Variants in PEAR1 observed in about 807,000 individuals in gnomAD.
The protein encoded by PEAR1 is platelet endothelial aggregation receptor 1.
A neutral mutation model predicts 131.2 loss-of-function variants in PEAR1; 113 were observed. The observed-to-expected ratio is 0.86, with a 90% CI of 0.74 to 1.01. PEAR1 has a LOEUF of 1.01. Ranked by LOEUF, PEAR1 falls within the 50% of genes least tolerant of loss-of-function variation. The probability of loss-of-function intolerance (pLI) is 0.00; values close to 1 mark genes in which losing one functional copy is unlikely to be tolerated. For synonymous variants in PEAR1, 565 were observed against 523.3 expected, an observed-to-expected ratio of 1.08 and a Z score of -1.09; for missense variants, 1,408 against 1,391.1, an observed-to-expected ratio of 1.01 and a Z score of -0.19.
In PEAR1 at chr1:156,908,965, G is replaced by C; in HGVS notation, c.1340G>C (p.Cys447Ser). The C allele has an allele frequency of 6.2e-7, 1 of 1,614,026 alleles. No individual in the cohort carries two copies. Among genetic ancestry groups the C allele is most frequent in the East Asian group, 2.2e-5 (1 of 44,876 alleles). Reference sequence around the variant, plus strand: ...CCTCCTGACACCTACGGTGTCAACTGTTCTGCACGCTGCTCATGTGAAAAT... The same window carrying C: ...CCTCCTGACACCTACGGTGTCAACTCTTCTGCACGCTGCTCATGTGAAAAT... Reference protein sequence around the residue: ...LCPPDTYGVNCSARCSCENAI... With the variant: ...LCPPDTYGVNSSARCSCENAI... Residue 447 changes from cysteine (C) to serine (S), a missense_variant, in exon 11 of 23, where the codon TGT (cysteine) becomes TCT (serine). Physicochemically the swap from Cys to Ser is moderately radical, Grantham distance 112. Coordinates refer to ENST00000292357, the MANE Select transcript of PEAR1 (RefSeq NM_001080471.3). This position sits in a 1 kb window ranked among gnomAD's most constrained non-coding sequence, Gnocchi z 4.2.
At position 156,906,306 on chromosome 1, in the gene PEAR1, G is replaced by A. The variant is rs769055450; in HGVS notation, c.338G>A (p.Arg113His). ...TGTGCCCAGGAGTGTGTCCATGGCC[G>A]TTGTGTGGCACCCAATCAGTGCCAA... ...PLCAQECVHGRCVAPNQCQCV... is the reference protein window; with the variant it reads ...PLCAQECVHGHCVAPNQCQCV... The change falls in exon 5 of 23, where the codon CGT becomes CAT. Residue 113 changes from arginine to histidine, a missense_variant. Physicochemically the swap from Arg to His is conservative, Grantham distance 29. Transcript: ENST00000292357. 1.1e-5 allele frequency: 18 copies of A among 1,614,074 alleles called. No individual in the cohort carries two copies. Among genetic ancestry groups the A allele is most frequent in the Middle Eastern group, 1.6e-4 (1 of 6,084 alleles).
Position 156,908,167 on chromosome 1 carries a change from CTG to C in PEAR1, c.945_946del (p.Ala316Ter). ...GCCCGGTGGGCCGCTTTGGGCAGGA[CTG>C]TGCTGAGACGTGCGACTGCGCCCCG... ...ECPVGRFGQD[C>X]AETCDCAPDA... On this transcript the variant is annotated frameshift_variant, in exon 9 of 23. Coordinates refer to ENST00000292357, the MANE Select transcript of PEAR1 (RefSeq NM_001080471.3). LOFTEE classifies it high-confidence loss of function. This position sits in a 1 kb window ranked among gnomAD's most constrained non-coding sequence, Gnocchi z 4.2. 4 of 1,604,074 alleles carry C rather than the reference CTG, an allele frequency of 2.5e-6. No homozygotes were observed. The highest frequency in any genetic ancestry group is 3.4e-6 in the Non-Finnish European group (4 of 1,178,768).
At chr1:156,909,959 G>A (rs753807979) in intron 12 of PEAR1, 45 bp downstream of exon 12, 1 of 1,612,182 alleles carries the variant, frequency 6.2e-7, no homozygotes, top group Non-Finnish European at 8.5e-7. Flanking sequence ...GGAGGGCATG[G>A]CGTCCCCCAG....
chr1:156,913,897 G>A lies in PEAR1; in HGVS notation c.2759G>A (p.Ser920Asn). Residue 920 changes from serine to asparagine, a missense_variant, in exon 22 of 23, where the codon AGC (serine) becomes AAC (asparagine). Physicochemically the swap from Ser to Asn is conservative, Grantham distance 46 (BLOSUM62 1). Coordinates refer to ENST00000292357, the MANE Select transcript of PEAR1 (RefSeq NM_001080471.3). ...CTCGGGGCCAGTGTGGCTTCCCTGAGCAGTGAGAACCCATATGCCACCATC... is the reference window on the plus strand; with the variant it reads ...CTCGGGGCCAGTGTGGCTTCCCTGAACAGTGAGAACCCATATGCCACCATC... ...EELGASVASL[S>N]SENPYATIRD... 1 of 1,614,022 alleles carries A rather than the reference G, an allele frequency of 6.2e-7. No individual in the cohort carries two copies.
chr1:156,914,894 G>A lies in PEAR1; in HGVS notation c.*96G>A. The A allele has an allele frequency of 1.4e-6, 2 of 1,384,120 alleles. No homozygotes were observed. The highest frequency in any genetic ancestry group is 9.9e-7 in the Non-Finnish European group (1 of 1,014,024). The allele number at this position is 1,384,120 out of a possible 1,614,324, so 85.7% of individuals were successfully genotyped here. A position where few individuals can be genotyped will look rare whatever the true frequency, so the allele number is the denominator to read the frequency against. ...TGTACCCCTGCCAGGAGCAGGGAGT[G>A]GACCGGCAGGCTGTGAACATGAACA... On this transcript the variant is annotated 3_prime_UTR_variant, in exon 23 of 23. Coordinates refer to ENST00000292357, the MANE Select transcript of PEAR1 (RefSeq NM_001080471.3).
chr1:156,913,638 G>A, intron 20 of PEAR1, 54 bp from the exon 21 acceptor site: 1 of 1,600,428 alleles, frequency 6.2e-7, no homozygotes, highest in Non-Finnish European at 8.5e-7. Flanking sequence ...TAGAGGAAGT[G>A]TGAGCCGGGG....
At position 156,912,343 on chromosome 1, in the gene PEAR1, C is replaced by T; in HGVS notation, c.2048C>T (p.Pro683Leu). The T allele has an allele frequency of 6.2e-7, 1 of 1,613,958 alleles. No individual in the cohort carries two copies. Among genetic ancestry groups the T allele is most frequent in the East Asian group, 2.2e-5 (1 of 44,884 alleles). Reference sequence around the variant, plus strand: ...CCCCAGGATGGGAGCTGTATCTGCCCCCTAGGCTGGACTGGACACCACTGC... The same window carrying T: ...CCCCAGGATGGGAGCTGTATCTGCCTCCTAGGCTGGACTGGACACCACTGC... ...CHPQDGSCICPLGWTGHHCLE... is the reference protein window; with the variant it reads ...CHPQDGSCICLLGWTGHHCLE... Residue 683 changes from proline to leucine, a missense_variant, in exon 16 of 23, where the codon CCC (proline) becomes CTC (leucine). By Grantham distance (98) the Pro-to-Leu change is moderately conservative. Coordinates refer to ENST00000292357, the MANE Select transcript of PEAR1 (RefSeq NM_001080471.3).
chr1:156,910,797 A>C, intron 15 of PEAR1, 54 bp downstream of exon 15: 1 of 1,602,492 alleles, frequency 6.2e-7, no homozygotes, highest in Non-Finnish European at 8.5e-7. Context: ...GGGGGTGCTG[A>C]GGACGGGAGG....
chr1:156,905,615 T>G (rs189561972), intron 4 of PEAR1, among the ~76,000 whole-genome samples, 191 bp downstream of exon 4: 29 of 152,104 alleles, frequency 1.9e-4, no homozygotes, highest in African/African-American at 5.5e-4. Flanking sequence ...CATCACCACT[T>G]CACACCCCTG....
Position 156,912,789 on chromosome 1 carries a change from T to C in PEAR1, c.2229T>C (p.Thr743=), listed in dbSNP as rs143788722. The C allele has an allele frequency of 9.9e-6, 16 of 1,614,094 alleles. No individual in the cohort carries two copies. The African/African-American group carries it at 1.9e-4, about 19-fold the overall frequency. ...ACACAGGAATCCAGGAGCCCTTTAC[T>C]GTGATGCCGACCACTCCAGTAGCGT... ...PCRIGIQEPF[T]VMPTTPVAYN... is the part of the protein sequence containing the mutation. Residue 743 remains threonine (T), a synonymous_variant, in exon 18 of 23, where the codon ACT becomes ACC. Coordinates refer to ENST00000292357, the MANE Select transcript of PEAR1 (RefSeq NM_001080471.3).
At chr1:156,909,282 C>G (rs1570973154) in intron 11 of PEAR1, among the ~76,000 whole-genome samples, 1 of 152,326 alleles carries the variant, frequency 6.6e-6, no homozygotes, top group South Asian at 2.1e-4. Flanking sequence ...CACTGGCGAA[C>G]GTCCCTCACC....
chr1:156,910,060 G>A lies in PEAR1; in HGVS notation c.1630G>A (p.Gly544Ser), dbSNP rs1558141152. ...ASRCDCDHSDGCDPVHGRCQC... is the reference protein window; with the variant it reads ...ASRCDCDHSDSCDPVHGRCQC... ...TCGCTGTGACTGTGACCACTCTGAT[G>A]GCTGTGACCCTGTTCATGGACGCTG... The change falls in exon 13 of 23, where the codon GGC (glycine) becomes AGC (serine). Residue 544 changes from glycine (G) to serine (S), a missense_variant. Physicochemically the swap from Gly to Ser is moderately conservative, Grantham distance 56. Coordinates refer to ENST00000292357, the MANE Select transcript of PEAR1 (RefSeq NM_001080471.3). 1 of 1,614,172 alleles carries A rather than the reference G, an allele frequency of 6.2e-7. No homozygotes were observed.
At chr1:156,909,630 C>G (rs564153579) in intron 11 of PEAR1, 121 bp from the exon 12 acceptor site, 5 of 1,114,766 alleles carry the variant, frequency 4.5e-6, no homozygotes, top group Non-Finnish European at 6.3e-6. Flanking sequence ...TGTATGGTGC[C>G]GTGAACACCC....
chr1:156,905,232 G>C (rs761317497), intron 3 of PEAR1, 92 bp from the exon 4 acceptor site: 54 of 1,356,638 alleles, frequency 4.0e-5, no homozygotes, highest in Non-Finnish European at 5.3e-5. Flanking sequence ...CCAGAGTGTT[G>C]AGTGGTGCCC....
rs565441297 is a variant in PEAR1, at chr1:156,914,955, T to C, written c.*157T>C. 1.2e-6 allele frequency: 1 copy of C among 833,046 alleles called. No individual in the cohort carries two copies. The highest frequency in any genetic ancestry group is 1.7e-6 in the Non-Finnish European group (1 of 572,242). 51.6% of individuals were successfully genotyped at this position (833,046 alleles called of 1,614,324 possible). On this transcript the variant is annotated 3_prime_UTR_variant, in exon 23 of 23. Transcript: ENST00000292357. ...GAGCAAGTGATGGGAGCCTTGTTCCTGGGTTCTACCATGGGAGACGCTGAT... is the reference window on the plus strand; with the variant it reads ...GAGCAAGTGATGGGAGCCTTGTTCCCGGGTTCTACCATGGGAGACGCTGAT...
intron 1 of PEAR1, among the ~76,000 whole-genome samples, chr1:156,903,282 G>A (rs1649868683): frequency 1.3e-5 from 2 of 152,248 alleles, no homozygotes; most frequent in Admixed American, 6.5e-5. Flanking sequence ...GGCTGGTTTT[G>A]GCTTCTGCCT....
At chr1:156,901,082 C>T (rs1649633768) in intron 1 of PEAR1, among the ~76,000 whole-genome samples, 1 of 152,202 alleles carries the variant, frequency 6.6e-6, no homozygotes, top group Non-Finnish European at 1.5e-5. Context: ...CCTTCCTCTT[C>T]CTGCCAGGAC....
chr1:156,910,116 T>A lies in PEAR1; in HGVS notation c.1678+8T>A. 1 of 1,614,004 alleles carries A rather than the reference T, an allele frequency of 6.2e-7. No homozygotes were observed. The highest frequency in any genetic ancestry group is 1.1e-5 in the South Asian group (1 of 91,080). On this transcript the variant is annotated splice_region_variant and intron_variant, in intron 13 of 22. Coordinates refer to ENST00000292357, the MANE Select transcript of PEAR1 (RefSeq NM_001080471.3). ...GCCAGGCTGGCTGGATGGGTGAGCATTCTGGGGCCCCAGGCCTACTGTGGA... is the reference window on the plus strand; with the variant it reads ...GCCAGGCTGGCTGGATGGGTGAGCAATCTGGGGCCCCAGGCCTACTGTGGA...
chr1:156,910,439 T>G, intron 14 of PEAR1, 59 bp downstream of exon 14: 2 of 1,548,916 alleles, frequency 1.3e-6, no homozygotes, highest in Admixed American at 3.7e-5. Context: ...TAGTGTCAGC[T>G]GCCAGAGCAC....
Sources: allele counts gnomAD v4.1 joint callset (sites outside exome capture counted in the v4.1 genomes callset), GRCh38; gene constraint gnomAD v4.1.1; non-coding constraint Gnocchi (gnomAD v3.1); transcripts MANE v1.5; gene names NCBI Gene and HGNC (gene_info 2026-07-23, HGNC 2026-07-21).